Variants in PTPRT observed in about 807,000 individuals in gnomAD.
PTPRT encodes the protein receptor-type tyrosine-protein phosphatase T.
Under a neutral mutation model 176.8 loss-of-function variants are expected in PTPRT, and 56 were observed. That is an observed-to-expected ratio of 0.32 (90% confidence interval 0.26 to 0.40). PTPRT has a LOEUF of 0.40. Ranked by LOEUF, PTPRT falls within the 10% of genes least tolerant of loss-of-function variation. The pLI, the probability that PTPRT is intolerant of heterozygous loss-of-function variation, is 1.00. For missense variants in PTPRT, 1,540 were observed against 1,908.2 expected (o/e 0.81, Z 3.60); for synonymous variants, 783 against 739.0 (o/e 1.06, Z -0.96).
chr20:42,341,371 T>C (rs1332746757), intron 11 of PTPRT, among the ~76,000 whole-genome samples: 3 of 152,210 alleles, frequency 2.0e-5, no homozygotes, highest in Admixed American at 6.5e-5. Flanking sequence ...TTGTGTGTCT[T>C]TCTTCTTTTC....
chr20:42,308,269 C>T (rs1250811941), intron 12 of PTPRT, among the ~76,000 whole-genome samples: 1 of 152,066 alleles, frequency 6.6e-6, no homozygotes, highest in Admixed American at 6.5e-5. Flanking sequence ...GCCTAGAATT[C>T]TTTCTTCCAC....
At chr20:42,433,555 A>T (rs1271055841) in intron 9 of PTPRT, among the ~76,000 whole-genome samples, 2 of 152,194 alleles carry the variant, frequency 1.3e-5, no homozygotes, top group Non-Finnish European at 2.9e-5. Flanking sequence ...GATGTCCATC[A>T]TGGGAATGGT....
chr20:42,115,913 G>A (rs1208237457), intron 21 of PTPRT: 26 of 629,288 alleles, frequency 4.1e-5, no homozygotes, highest in East Asian at 1.7e-4. Context: ...GACTCCAAGG[G>A]AAGATGCGCA....
At chr20:42,520,312 T>C (rs2072147575) in intron 7 of PTPRT, among the ~76,000 whole-genome samples, 1 of 152,106 alleles carries the variant, frequency 6.6e-6, no homozygotes, top group Admixed American at 6.6e-5. Context: ...ACATCAGCAC[T>C]CAAGTCAACA....
At chr20:42,384,127 T>G (rs758114887) in intron 9 of PTPRT, among the ~76,000 whole-genome samples, 106 of 152,334 alleles carry the variant, frequency 7.0e-4, no homozygotes, top group Non-Finnish European at 8.8e-4. Flanking sequence ...ACGTTAAATG[T>G]GGACTCATCC....
chr20:42,120,248 T>C (rs1987517016), intron 19 of PTPRT, among the ~76,000 whole-genome samples: 1 of 152,182 alleles, frequency 6.6e-6, no homozygotes, highest in African/African-American at 2.4e-5. Context: ...GGATGGGCAT[T>C]GCTTATCCTT....
At chr20:42,101,412 T>G (rs1324164826) in intron 26 of PTPRT, among the ~76,000 whole-genome samples, 2 of 152,082 alleles carry the variant, frequency 1.3e-5, no homozygotes, top group East Asian at 3.9e-4. Context: ...CTGTACACCT[T>G]GGAGGGGAAG....
At chr20:42,838,025 T>TTTTG (rs761803108) in intron 2 of PTPRT, among the ~76,000 whole-genome samples, 2 of 152,148 alleles carry the variant, frequency 1.3e-5, no homozygotes, top group East Asian at 1.9e-4. Flanking sequence ...ACGTAAACTG[T>TTTTG]TTTGTTTGTT....
intron 16 of PTPRT, among the ~76,000 whole-genome samples, chr20:42,165,165 C>T (rs543753471): frequency 1.6e-4 from 25 of 152,230 alleles, no homozygotes; most frequent in African/African-American, 5.3e-4. Context: ...GATTCATCAC[C>T]GCTGCTGCCC....
intron 1 of PTPRT, among the ~76,000 whole-genome samples, chr20:42,979,084 G>T (rs1460909645): frequency 6.6e-6 from 1 of 152,014 alleles, no homozygotes; most frequent in East Asian, 1.9e-4. Flanking sequence ...TGTTTAAATT[G>T]TTGTCAACGT....
intron 7 of PTPRT, among the ~76,000 whole-genome samples, chr20:42,629,974 C>G (rs1428686751): frequency 6.6e-6 from 1 of 152,170 alleles, no homozygotes; most frequent in Non-Finnish European, 1.5e-5. Context: ...TGCATCCCAA[C>G]CCCTGAGACC....
the PTPRT span, among the ~76,000 whole-genome samples, chr20:42,056,529 C>G: frequency 2.6e-5 from 4 of 152,138 alleles, no homozygotes; most frequent in Non-Finnish European, 4.4e-5. Flanking sequence ...TATGCCAGTA[C>G]CGTGTTATGT....
At chr20:42,197,266 C>T (rs771465144) in intron 16 of PTPRT, among the ~76,000 whole-genome samples, 1 of 150,322 alleles carries the variant, frequency 6.7e-6, no homozygotes, top group Non-Finnish European at 1.5e-5. Flanking sequence ...GTATTCCCAG[C>T]TACTTGGGAG....
chr20:42,345,797 A>G (rs1568795084), intron 11 of PTPRT, among the ~76,000 whole-genome samples: 1 of 152,012 alleles, frequency 6.6e-6, no homozygotes, highest in East Asian at 1.9e-4. Flanking sequence ...GGAAAGAACT[A>G]TGAAGGAACT....
intron 1 of PTPRT, among the ~76,000 whole-genome samples, chr20:43,003,691 T>C (rs899263974): frequency 6.6e-6 from 1 of 152,222 alleles, no homozygotes; most frequent in Admixed American, 6.5e-5. Context: ...ATGGTTCAGG[T>C]TACTGCTAGT....
intron 12 of PTPRT, among the ~76,000 whole-genome samples, chr20:42,292,918 T>A (rs758531176): frequency 2.0e-5 from 3 of 152,188 alleles, no homozygotes; most frequent in Non-Finnish European, 2.9e-5. Flanking sequence ...GGCACTTGAG[T>A]GCTAGCTCAC....
At chr20:42,261,251 C>T (rs913286962) in intron 13 of PTPRT, among the ~76,000 whole-genome samples, 4 of 152,250 alleles carry the variant, frequency 2.6e-5, no homozygotes, top group Middle Eastern at 3.4e-3. Flanking sequence ...ATAGATGCAT[C>T]ACTCCAATCA....
chr20:42,953,086 A>T (rs1981358666), intron 1 of PTPRT, among the ~76,000 whole-genome samples: 1 of 152,220 alleles, frequency 6.6e-6, no homozygotes, highest in Non-Finnish European at 1.5e-5. Context: ...GTGCCACTGC[A>T]GAATCTGCAA....
At chr20:42,136,708 G>T (rs985469794) in intron 18 of PTPRT, among the ~76,000 whole-genome samples, 1 of 152,210 alleles carries the variant, frequency 6.6e-6, no homozygotes, top group Non-Finnish European at 1.5e-5. Flanking sequence ...AAGGAAGGGA[G>T]GGAGGTTTCT....
Sources: allele counts gnomAD v4.1 joint callset (sites outside exome capture counted in the v4.1 genomes callset), GRCh38; gene constraint gnomAD v4.1.1; transcripts MANE v1.5; gene names NCBI Gene and HGNC (gene_info 2026-07-23, HGNC 2026-07-21).